C2orf69: variants seen among roughly 807,000 people sequenced by gnomAD.
C2orf69 encodes the protein mitochondrial protein C2orf69.
C2orf69 carries 19 observed loss-of-function variants against 29.5 expected under a neutral mutation model. The ratio of observed to expected loss-of-function variants is 0.65; its 90% CI spans 0.45 to 0.95. C2orf69 has a LOEUF of 0.95. Among genes scored for constraint, C2orf69 ranks in the 40% least tolerant of loss-of-function variants. The pLI is 0.00. For synonymous variants in C2orf69, 194 were observed against 180.0 expected, an observed-to-expected ratio of 1.08 and a Z score of -0.62; for missense variants, 416 against 482.1, an observed-to-expected ratio of 0.86 and a Z score of 1.28.
At chr2:199,917,450 C>A (rs1189276441) in intron 1 of C2orf69, among the ~76,000 whole-genome samples, 1 of 152,122 alleles carries the variant, frequency 6.6e-6, no homozygotes, top group Non-Finnish European at 1.5e-5. Flanking sequence ...TTATGTGCTA[C>A]TTCCCATTTA....
At chr2:199,912,517 A>G (rs1279526226) in intron 1 of C2orf69, among the ~76,000 whole-genome samples, 1 of 152,246 alleles carries the variant, frequency 6.6e-6, no homozygotes, top group Admixed American at 6.5e-5. Flanking sequence ...TCAAGTGCTC[A>G]GTAGCTACAG....
intron 1 of C2orf69, among the ~76,000 whole-genome samples, chr2:199,913,418 TATTATATAAAATATA>T (rs1318819730): frequency 3.6e-5 from 1 of 27,560 alleles, no homozygotes; most frequent in Non-Finnish European, 7.7e-5. Context: ...ATATATATTC[TATTATATAAAATATA>T]TATTATATAA....
At chr2:199,913,739 CAT>C (rs927469423) in intron 1 of C2orf69, among the ~76,000 whole-genome samples, 10 of 151,482 alleles carry the variant, frequency 6.6e-5, no homozygotes, top group Non-Finnish European at 1.2e-4. Flanking sequence ...GGGAAAATAA[CAT>C]GTGACATTTC....
chr2:199,927,715 T>C lies in C2orf69; in HGVS notation c.*1829T>C, dbSNP rs2077341258. On this transcript the variant is annotated 3_prime_UTR_variant, in exon 2 of 2. Transcript: ENST00000319974. The stretch of plus-strand genomic sequence containing the variant: ...ATTACATTGCCTTTAAGCACTATGA[T>C]TGGATGGCTTTTTTTCTATTTGTTT... 1.3e-5 allele frequency: 2 copies of C among 152,094 alleles called. No individual in the cohort carries two copies. The highest frequency in any genetic ancestry group is 1.9e-4 in the East Asian group (1 of 5,202). 9.4% of individuals were successfully genotyped at this position (152,094 alleles called of 1,614,324 possible).
intron 1 of C2orf69, among the ~76,000 whole-genome samples, chr2:199,913,385 TATA>T (rs1265597725): frequency 9.2e-5 from 10 of 109,032 alleles, no homozygotes; most frequent in East Asian, 6.6e-4. Flanking sequence ...ATATATTATA[TATA>T]ATAACATATA....
rs1218529084 is a variant in C2orf69 at position 199,924,963 on chromosome 2, T to G, written c.334-99T>G. The G allele has an allele frequency of 4.2e-6, 3 of 715,984 alleles. No individual in the cohort carries two copies. The East Asian group carries it at 8.1e-5, about 19-fold the overall frequency. 44.4% of individuals were successfully genotyped at this position (715,984 alleles called of 1,614,324 possible). A position where few individuals can be genotyped will look rare whatever the true frequency, so the allele number is the denominator to read the frequency against. On this transcript the variant is annotated intron_variant, in intron 1 of 1. Transcript: ENST00000319974. ...AGTGTACATTAACCATAGGTCATTG[T>G]AACATCCCTTCTCCACAATAAAAAT...
At position 199,911,312 on chromosome 2, in the gene C2orf69, G is replaced by T; in HGVS notation, c.-127G>T. 1 of 1,196,886 alleles carries T rather than the reference G, an allele frequency of 8.4e-7. No individual in the cohort carries two copies. Among genetic ancestry groups the T allele is most frequent in the Non-Finnish European group, 1.1e-6 (1 of 915,138 alleles). 74.1% of individuals were successfully genotyped at this position (1,196,886 alleles called of 1,614,324 possible). On this transcript the variant is annotated 5_prime_UTR_variant, in exon 1 of 2. Coordinates refer to ENST00000319974, the MANE Select transcript of C2orf69 (RefSeq NM_153689.6). ...GTCGGCCTCTGACGTCGTCGCCTCAGCGCCGGCTCCCGGCCGGGCCGCGGC... is the reference window on the plus strand; with the variant it reads ...GTCGGCCTCTGACGTCGTCGCCTCATCGCCGGCTCCCGGCCGGGCCGCGGC...
At chr2:199,920,311 A>G (rs1210184421) in intron 1 of C2orf69, among the ~76,000 whole-genome samples, 1 of 152,120 alleles carries the variant, frequency 6.6e-6, no homozygotes, top group Non-Finnish European at 1.5e-5. Context: ...GGGCTTTGAC[A>G]CACAGTAATG....
At chr2:199,913,485 T>TAC (rs1365885145) in intron 1 of C2orf69, among the ~76,000 whole-genome samples, 3 of 91,886 alleles carry the variant, frequency 3.3e-5, no homozygotes, top group Admixed American at 1.9e-4. Flanking sequence ...ATATAAAATA[T>TAC]ATATTATATT....
At chr2:199,924,680 C>G (rs2077329074) in intron 1 of C2orf69, among the ~76,000 whole-genome samples, 1 of 151,960 alleles carries the variant, frequency 6.6e-6, no homozygotes, top group Non-Finnish European at 1.5e-5. Flanking sequence ...CTGTGTTGGT[C>G]AAAAAGTCTA....
chr2:199,913,372 G>A (rs796382178), intron 1 of C2orf69, among the ~76,000 whole-genome samples: 18,754 of 54,324 alleles, frequency 0.35, 3,856 homozygotes, highest in South Asian at 0.39. Context: ...ATTCTATTAT[G>A]ATATATATTA....
intron 1 of C2orf69, among the ~76,000 whole-genome samples, chr2:199,913,488 AT>A (rs71019094): frequency 1.1e-5 from 1 of 88,538 alleles, no homozygotes; most frequent in Non-Finnish European, 2.0e-5. Context: ...TAAAATATAT[AT>A]TATATTATAT....
rs1433857085 is a variant in C2orf69 at position 199,925,499 on chromosome 2, TTTTAC to T, written c.775_779del (p.Thr259AspfsTer5). ...ATCCACCATCACTAAATGACGCATC[TTTTAC>T]TTTGATTGGATTCAGTAAAGGTTGT... On this transcript the variant is annotated frameshift_variant, in exon 2 of 2. Transcript: ENST00000319974. LOFTEE classifies it high-confidence loss of function. This position sits in a 1 kb window ranked among gnomAD's most constrained non-coding sequence, Gnocchi z 4.9. 2 of 1,613,772 alleles carry T rather than the reference TTTTAC, an allele frequency of 1.2e-6. No individual in the cohort carries two copies. Among genetic ancestry groups the T allele is most frequent in the African/African-American group, 2.7e-5 (2 of 74,920 alleles).
At chr2:199,914,628 ATTTC>A in intron 1 of C2orf69, among the ~76,000 whole-genome samples, 1 of 151,880 alleles carries the variant, frequency 6.6e-6, no homozygotes, top group Non-Finnish European at 1.5e-5. Flanking sequence ...GCTTTTCATT[ATTTC>A]TATCTTTTCC....
chr2:199,914,974 A>G (rs1358528371), intron 1 of C2orf69, among the ~76,000 whole-genome samples: 1 of 152,188 alleles, frequency 6.6e-6, no homozygotes, highest in Non-Finnish European at 1.5e-5. Context: ...GCCTTCTGCC[A>G]CTAAAATATA....
intron 1 of C2orf69, among the ~76,000 whole-genome samples, chr2:199,919,525 T>C (rs1469797867): frequency 6.6e-6 from 1 of 152,188 alleles, no homozygotes; most frequent in Non-Finnish European, 1.5e-5. Flanking sequence ...ATGTGCACTT[T>C]ATGTTTATAA....
In C2orf69 at chr2:199,926,467, A is replaced by G. The variant is rs1273396785; in HGVS notation, c.*581A>G. 6.5e-6 allele frequency: 1 copy of G among 153,472 alleles called. No individual in the cohort carries two copies. The highest frequency in any genetic ancestry group is 6.4e-5 in the Admixed American group (1 of 15,558). 9.5% of individuals were successfully genotyped at this position (153,472 alleles called of 1,614,324 possible). A position where few individuals can be genotyped will look rare whatever the true frequency, so the allele number is the denominator to read the frequency against. On this transcript the variant is annotated 3_prime_UTR_variant, in exon 2 of 2. Transcript: ENST00000319974. ...GTTTCCAAATGTCCACAAGTGTACA[A>G]TAGTGTAAAGGTGGTTTTTAAAAAC...
chr2:199,913,467 T>C (rs1338274903), intron 1 of C2orf69, among the ~76,000 whole-genome samples: 2 of 34,556 alleles, frequency 5.8e-5, no homozygotes, highest in Non-Finnish European at 9.9e-5. Context: ...TTATATAAAA[T>C]ATATATTATA....
At chr2:199,919,221 C>T (rs1049932712) in intron 1 of C2orf69, among the ~76,000 whole-genome samples, 1 of 152,218 alleles carries the variant, frequency 6.6e-6, no homozygotes, top group African/African-American at 2.4e-5. Context: ...TCCCAAAGAG[C>T]TGGGATTGCA....
Sources: gnomAD v4.1 joint callset for allele counts (sites outside exome capture counted in the v4.1 genomes callset) on GRCh38, gnomAD v4.1.1 for gene constraint, Gnocchi (gnomAD v3.1) non-coding constraint, MANE v1.5 for transcripts, NCBI Gene and HGNC (gene_info 2026-07-23, HGNC 2026-07-21) for gene names.